RER1: variants seen among roughly 807,000 people sequenced by gnomAD.
RER1 encodes the protein protein RER1.
RER1 carries 6 observed loss-of-function variants against 28.3 expected under a neutral mutation model. The ratio of observed to expected loss-of-function variants is 0.21; its 90% CI spans 0.12 to 0.42. RER1 has a LOEUF of 0.42. Among genes scored for constraint, RER1 ranks in the 10% least tolerant of loss-of-function variants. RER1 has a pLI of 1.00. For missense variants in RER1, 159 were observed against 252.9 expected (o/e 0.63, Z 2.52); for synonymous variants, 110 against 95.9 (o/e 1.15, Z -0.86).
At position 2,395,848 on chromosome 1, in the gene RER1, A is replaced by C. The variant is rs769662078; in HGVS notation, c.58A>C (p.Arg20=). ...SVHGKPSVVY[R]FFTRLGQIYQ... ...CCATGGGAAACCTTCGGTGGTGTAC[A>C]GATTTTTCACAAGACTTGGACAGGT... The change falls in exon 2 of 7, where the codon AGA becomes CGA. Residue 20 remains arginine, a synonymous_variant. Transcript: ENST00000605895. 3.9e-5 allele frequency: 63 copies of C among 1,613,938 alleles called. No individual in the cohort carries two copies. Among genetic ancestry groups the C allele is most frequent in the Non-Finnish European group, 5.1e-5 (60 of 1,179,864 alleles).
intron 4 of RER1, among the ~76,000 whole-genome samples, chr1:2,399,963 C>T (rs545961170): frequency 5.3e-5 from 8 of 152,342 alleles, no homozygotes; most frequent in South Asian, 4.1e-4. Context: ...ATGCCAGCAT[C>T]GGGTCGGGTC....
In RER1 at chr1:2,397,359, GA is replaced by G. The variant is rs537489375; in HGVS notation, c.186+142del. On this transcript the variant is annotated intron_variant, in intron 3 of 6. Transcript: ENST00000605895. ...ATTTTCAGCTAAACGCCAAATGTCA[GA>G]AAGATCTCAGTGACTGTCTTTAACG... 197 of 664,508 alleles carry G rather than the reference GA, an allele frequency of 3.0e-4. No homozygotes were observed. The African/African-American group carries it at 3.3e-3, about 11-fold the overall frequency. The allele number at this position is 664,508 out of a possible 1,614,324, so 41.2% of individuals were successfully genotyped here.
intron 5 of RER1, among the ~76,000 whole-genome samples, chr1:2,401,220 TCCTCCTC>T (rs1642843676): frequency 8.4e-5 from 8 of 95,388 alleles, no homozygotes; most frequent in African/African-American, 1.2e-4. Flanking sequence ...TCCTCCTCCC[TCCTCCTC>T]CCTTCCTCCC....
intron 4 of RER1, among the ~76,000 whole-genome samples, chr1:2,399,728 G>C (rs545800461): frequency 6.6e-6 from 1 of 152,340 alleles, no homozygotes; most frequent in South Asian, 2.1e-4. Flanking sequence ...CCACTTTGCA[G>C]ATGAGGAAAC....
At chr1:2,402,453 G>C in intron 6 of RER1, 111 bp downstream of exon 6, 1 of 1,413,636 alleles carries the variant, frequency 7.1e-7, no homozygotes. Context: ...TGCCTGGTGT[G>C]AATGTGGAGC....
chr1:2,399,955 G>A (rs976143178), intron 4 of RER1, among the ~76,000 whole-genome samples: 2 of 152,358 alleles, frequency 1.3e-5, no homozygotes, highest in Admixed American at 6.5e-5. Context: ...GGACTCTAAT[G>A]CCAGCATCGG....
In RER1 at chr1:2,397,098, G is replaced by T; in HGVS notation, c.82-18G>T. On this transcript the variant is annotated intron_variant, in intron 2 of 6. Transcript: ENST00000605895. ...GTTACAGGACCTGCTTCATGCTTTT[G>T]GACTCTTGTCTTTCTAGATTTATCA... is the stretch of plus-strand genomic sequence containing the variant. The T allele has an allele frequency of 6.4e-7, 1 of 1,553,814 alleles. No individual in the cohort carries two copies. Among genetic ancestry groups the T allele is most frequent in the Non-Finnish European group, 8.9e-7 (1 of 1,125,824 alleles).
intron 3 of RER1, among the ~76,000 whole-genome samples, chr1:2,398,889 CA>C (rs1270849312): frequency 6.6e-6 from 1 of 152,208 alleles, no homozygotes; most frequent in Non-Finnish European, 1.5e-5. Flanking sequence ...TTCTTCTGGG[CA>C]AAGGTTTAAC....
chr1:2,392,637 A>C, intron 1 of RER1, among the ~76,000 whole-genome samples: 1 of 152,160 alleles, frequency 6.6e-6, no homozygotes, highest in African/African-American at 2.4e-5. Context: ...CTTTATGAAG[A>C]GTAGAGACTG....
intron 1 of RER1, among the ~76,000 whole-genome samples, chr1:2,393,640 C>T (rs1642725807): frequency 6.6e-6 from 1 of 152,196 alleles, no homozygotes; most frequent in African/African-American, 2.4e-5. Flanking sequence ...ATTTCACAGA[C>T]TGGAACCTGA....
intron 4 of RER1, among the ~76,000 whole-genome samples, chr1:2,399,783 C>T (rs910679015): frequency 4.6e-5 from 7 of 152,184 alleles, no homozygotes; most frequent in Non-Finnish European, 1.0e-4. Context: ...CACATGGCAC[C>T]ACAGACAGTA....
chr1:2,394,060 C>T (rs943857563), intron 1 of RER1: 3 of 152,186 alleles, frequency 2.0e-5, no homozygotes, highest in African/African-American at 2.4e-5. Context: ...AGCTATAGGA[C>T]GAACAATGTG....
In RER1 at chr1:2,400,925, T is replaced by G; in HGVS notation, c.355T>G (p.Phe119Val). 1 of 1,613,408 alleles carries G rather than the reference T, an allele frequency of 6.2e-7. No individual in the cohort carries two copies. Among genetic ancestry groups the G allele is most frequent in the Non-Finnish European group, 8.5e-7 (1 of 1,179,528 alleles). ...CCCCTTCATTCGAAGGCTCCCAGAG[T>G]TTAAATTTTGGTGAGCTAATTCTTC... ...FRPFIRRLPE[F>V]KFWHAATKGI... is the part of the protein sequence containing the mutation. Residue 119 changes from phenylalanine to valine, a missense_variant, in exon 5 of 7, where the codon TTT becomes GTT. Phe to Val is a conservative substitution (Grantham distance 50, BLOSUM62 -1). Transcript: ENST00000605895.
Position 2,403,535 on chromosome 1 carries a change from C to T in RER1, c.*411C>T, listed in dbSNP as rs543979001. 35 of 264,470 alleles carry T rather than the reference C, an allele frequency of 1.3e-4. No individual in the cohort carries two copies. The highest frequency in any genetic ancestry group is 9.5e-4 in the South Asian group (26 of 27,296). The allele number at this position is 264,470 out of a possible 1,614,324, so 16.4% of individuals were successfully genotyped here. A position where few individuals can be genotyped will look rare whatever the true frequency, so the allele number is the denominator to read the frequency against. ...GTGGTGCCAGCCACTCCACAGAGCC[C>T]GAGGGATGATCTAGCCTGATTCCTG... On this transcript the variant is annotated 3_prime_UTR_variant, in exon 7 of 7. Transcript: ENST00000605895.
intron 4 of RER1, 59 bp from the exon 5 acceptor site, chr1:2,400,798 G>A: frequency 7.3e-7 from 1 of 1,372,272 alleles, no homozygotes; most frequent in East Asian, 2.3e-5. Flanking sequence ...AGGGGAAAAG[G>A]TAGAACTGTG....
At chr1:2,392,463 G>T (rs1642694812) in intron 1 of RER1, among the ~76,000 whole-genome samples, 1 of 152,262 alleles carries the variant, frequency 6.6e-6, no homozygotes, top group Admixed American at 6.5e-5. Context: ...CATCGGTTTT[G>T]ATCGTATTCT....
At chr1:2,395,190 G>A (rs1214151450) in intron 1 of RER1, 4 of 154,248 alleles carry the variant, frequency 2.6e-5, no homozygotes, top group African/African-American at 7.2e-5. Context: ...CAGCAGTGTT[G>A]AAATAGGAGC....
intron 5 of RER1, 152 bp from the exon 6 acceptor site, chr1:2,402,055 C>CCTG: frequency 1.3e-6 from 2 of 1,571,232 alleles, no homozygotes; most frequent in Non-Finnish European, 8.6e-7. Context: ...TGCAAAGGGT[C>CCTG]CTGCTGCTGC....
Position 2,394,662 on chromosome 1 carries a change from A to C in RER1, c.-7-1122A>C, listed in dbSNP as rs191186908. The C allele has an allele frequency of 2.6e-5, 4 of 152,400 alleles. No individual in the cohort carries two copies. In the East Asian group the frequency reaches 7.7e-4, roughly 29 times the overall value. The allele number at this position is 152,400 out of a possible 1,614,324, so 9.4% of individuals were successfully genotyped here. A position where few individuals can be genotyped will look rare whatever the true frequency, so the allele number is the denominator to read the frequency against. On this transcript the variant is annotated intron_variant, in intron 1 of 6. Coordinates refer to ENST00000605895, the MANE Select transcript of RER1 (RefSeq NM_007033.5). ...TATTTCTTAGAGCCTCATTTTACAG[A>C]TGAGGAAACTGAGGCTGGCTGCGTG... is the stretch of plus-strand genomic sequence containing the variant.
Sources: gnomAD v4.1 joint callset for allele counts (sites outside exome capture counted in the v4.1 genomes callset) on GRCh38, gnomAD v4.1.1 for gene constraint, MANE v1.5 for transcripts, NCBI Gene and HGNC (gene_info 2026-07-23, HGNC 2026-07-21) for gene names.